CADM2: variants seen among roughly 807,000 people sequenced by gnomAD.
The protein encoded by CADM2 is immunoglobulin superfamily member 4D.
Under a neutral mutation model 49.8 loss-of-function variants are expected in CADM2, and 12 were observed. The ratio of observed to expected loss-of-function variants is 0.24; its 90% CI spans 0.15 to 0.39. CADM2 has a LOEUF of 0.39. Ranked by LOEUF, CADM2 falls within the 10% of genes least tolerant of loss-of-function variation. The pLI is 1.00. For missense variants in CADM2, 378 were observed against 492.3 expected, an observed-to-expected ratio of 0.77 and a Z score of 2.20; for synonymous variants, 214 against 175.4, an observed-to-expected ratio of 1.22 and a Z score of -1.74.
intron 1 of CADM2, among the ~76,000 whole-genome samples, chr3:85,367,072 A>G (rs1293530377): frequency 6.6e-6 from 1 of 152,066 alleles, no homozygotes; most frequent in Non-Finnish European, 1.5e-5. Context: ...AAAACATACC[A>G]TAAATTGATG....
In CADM2 at chr3:85,957,371, A is replaced by G. The variant is rs1043221956; in HGVS notation, c.792-4098A>G. ...TATATACCTAGTTTCTTCACTTGTT[A>G]TCATATAATGCTCTTTCAGAATTTT... On this transcript the variant is annotated intron_variant, in intron 7 of 9. Coordinates refer to ENST00000383699, the MANE Select transcript of CADM2 (RefSeq NM_001167675.2). Among the ~76,000 whole-genome samples the G allele has an allele frequency of 5.3e-5, 8 of 151,672 alleles. No individual in the cohort carries two copies. The Admixed American group carries it at 5.3e-4, about 10-fold the overall frequency.
chr3:85,286,933 A>G (rs2043647286), intron 1 of CADM2, among the ~76,000 whole-genome samples: 1 of 152,140 alleles, frequency 6.6e-6, no homozygotes, highest in Admixed American at 6.5e-5. Flanking sequence ...TGATGTCCTG[A>G]AAATTTACAC....
At chr3:85,561,140 T>A (rs1299734284) in intron 1 of CADM2, among the ~76,000 whole-genome samples, 1 of 152,212 alleles carries the variant, frequency 6.6e-6, no homozygotes, top group South Asian at 2.1e-4. Flanking sequence ...ATTTCCTTTT[T>A]CACTCAATAT....
intron 1 of CADM2, among the ~76,000 whole-genome samples, chr3:85,235,875 C>T (rs979238524): frequency 1.3e-5 from 2 of 152,070 alleles, no homozygotes; most frequent in East Asian, 1.9e-4. Flanking sequence ...AAAAGTCAAT[C>T]CTGTAGGTAA....
At chr3:85,699,538 A>G (rs1240663912) in intron 1 of CADM2, among the ~76,000 whole-genome samples, 1 of 152,198 alleles carries the variant, frequency 6.6e-6, no homozygotes, top group South Asian at 2.1e-4. Flanking sequence ...TTTTCACCAC[A>G]TGGAAGCTGC....
At chr3:85,080,760 T>G (rs2037132039) in intron 1 of CADM2, among the ~76,000 whole-genome samples, 1 of 152,204 alleles carries the variant, frequency 6.6e-6, no homozygotes, top group Admixed American at 6.5e-5. Context: ...GTATTATTCC[T>G]CTAGGTCCAG....
At chr3:85,065,492 T>C (rs1332218587) in intron 1 of CADM2, among the ~76,000 whole-genome samples, 1 of 152,178 alleles carries the variant, frequency 6.6e-6, no homozygotes, top group Non-Finnish European at 1.5e-5. Flanking sequence ...AAAATCTCAA[T>C]ACACCTTCAT....
intron 1 of CADM2, among the ~76,000 whole-genome samples, chr3:85,062,174 C>T (rs1175284891): frequency 1.3e-5 from 2 of 151,894 alleles, no homozygotes; most frequent in African/African-American, 2.4e-5. Flanking sequence ...AAGTTCTAGA[C>T]ATTTGCTATA....
chr3:85,978,616 A>G (rs1727084154), intron 8 of CADM2, among the ~76,000 whole-genome samples: 1 of 151,608 alleles, frequency 6.6e-6, no homozygotes, highest in East Asian at 1.9e-4. Context: ...GCAAAATAAC[A>G]ATAATAATAA....
At chr3:85,064,138 A>G (rs561377152) in intron 1 of CADM2, among the ~76,000 whole-genome samples, 8 of 152,180 alleles carry the variant, frequency 5.3e-5, no homozygotes, top group African/African-American at 1.7e-4. Flanking sequence ...GCCTTTGCTA[A>G]CCTTGCTCTA....
At chr3:85,293,775 G>C (rs2043871272) in intron 1 of CADM2, among the ~76,000 whole-genome samples, 1 of 148,902 alleles carries the variant, frequency 6.7e-6, no homozygotes, top group South Asian at 2.2e-4. Flanking sequence ...ATTAGGTATT[G>C]ATGGGATGTA....
intron 1 of CADM2, among the ~76,000 whole-genome samples, chr3:85,498,613 C>T (rs767500676): frequency 6.6e-6 from 1 of 151,966 alleles, no homozygotes; most frequent in Non-Finnish European, 1.5e-5. Context: ...ATGTAAGACC[C>T]TTTACATCTA....
intron 1 of CADM2, among the ~76,000 whole-genome samples, chr3:85,120,631 A>G (rs2038825939): frequency 1.3e-5 from 2 of 152,140 alleles, no homozygotes; most frequent in South Asian, 4.1e-4. Flanking sequence ...GAACAGTGAG[A>G]ACACATGGAC....
chr3:86,039,744 C>T (rs1190810293), intron 8 of CADM2, among the ~76,000 whole-genome samples: 2 of 152,106 alleles, frequency 1.3e-5, no homozygotes, highest in Non-Finnish European at 2.9e-5. Flanking sequence ...AGTGGTTCTC[C>T]CAGCAGGCAG....
At chr3:84,962,372 T>C (rs1314440320) in intron 1 of CADM2, among the ~76,000 whole-genome samples, 1 of 151,714 alleles carries the variant, frequency 6.6e-6, no homozygotes, top group Non-Finnish European at 1.5e-5. Context: ...CAAACACTGC[T>C]CCACAGACAC....
chr3:85,645,736 T>C (rs2107565910), intron 1 of CADM2, among the ~76,000 whole-genome samples: 1 of 152,118 alleles, frequency 6.6e-6, no homozygotes, highest in Middle Eastern at 3.4e-3. Context: ...CCTTACAATA[T>C]GGATATAGTG....
In CADM2 at chr3:85,929,695, A is replaced by T. The variant is rs370762176; in HGVS notation, c.701-6072A>T. 4.6e-5 allele frequency among the ~76,000 whole-genome samples: 7 copies of T among 152,068 alleles called. No homozygotes were observed. The East Asian group carries it at 9.6e-4, about 21-fold the overall frequency. On this transcript the variant is annotated intron_variant, in intron 6 of 9. Transcript: ENST00000383699. ...ACACATTAATATAAATAGTTTGAAGACATCCTGGAAAGTGAAGACTTTCAA... is the reference window on the plus strand; with the variant it reads ...ACACATTAATATAAATAGTTTGAAGTCATCCTGGAAAGTGAAGACTTTCAA...
intron 1 of CADM2, among the ~76,000 whole-genome samples, chr3:85,212,868 T>TCTCTCTCTCTCTCTCTCTC (rs1194802348): frequency 3.1e-5 from 3 of 97,912 alleles, no homozygotes; most frequent in Admixed American, 1.1e-4. Context: ...CTTTCTTTCT[T>TCTCTCTCTCTCTCTCTCTC]TCTTTCTTTC....
At chr3:85,642,774 T>G (rs531137326) in intron 1 of CADM2, among the ~76,000 whole-genome samples, 1 of 152,292 alleles carries the variant, frequency 6.6e-6, no homozygotes, top group Non-Finnish European at 1.5e-5. Flanking sequence ...CAAGCAAGTT[T>G]CAAGTTGCAT....
Sources: allele counts gnomAD v4.1 joint callset (sites outside exome capture counted in the v4.1 genomes callset), GRCh38; gene constraint gnomAD v4.1.1; transcripts MANE v1.5; gene names NCBI Gene and HGNC (gene_info 2026-07-23, HGNC 2026-07-21).